Variants in TSPAN9 observed in about 807,000 individuals in gnomAD.
TSPAN9 encodes tetraspanin-9.
In TSPAN9, 16 loss-of-function variants were observed where a neutral mutation model predicts 31.0. That is an observed-to-expected ratio of 0.52 (90% CI 0.35 to 0.78). The LOEUF (loss-of-function observed/expected upper bound fraction) is 0.78. Among genes scored for constraint, TSPAN9 ranks in the 30% least tolerant of loss-of-function variants. TSPAN9 has a pLI of 0.01. For synonymous variants in TSPAN9, 145 were observed against 121.6 expected, an observed-to-expected ratio of 1.19 and a Z score of -1.27; for missense variants, 272 against 312.5, an observed-to-expected ratio of 0.87 and a Z score of 0.98.
At chr12:3,183,265 T>C (rs1422707638) in intron 2 of TSPAN9, among the ~76,000 whole-genome samples, 20 of 152,188 alleles carry the variant, frequency 1.3e-4, no homozygotes, top group Admixed American at 1.3e-3. Flanking sequence ...GGGCTTGGGC[T>C]GAACAGAGGG....
chr12:3,230,985 C>T (rs960788766), intron 3 of TSPAN9, among the ~76,000 whole-genome samples: 1 of 152,048 alleles, frequency 6.6e-6, no homozygotes, highest in Non-Finnish European at 1.5e-5. Flanking sequence ...GGGGTGTATG[C>T]TATAAAGGGC....
intron 2 of TSPAN9, among the ~76,000 whole-genome samples, chr12:3,132,739 C>G (rs2098330339): frequency 6.6e-6 from 1 of 152,188 alleles, no homozygotes. Context: ...TTTTCCTATT[C>G]AGTCTCCTCT....
rs550384578 is a variant in TSPAN9, at chr12:3,160,918, A to G, written c.-17-40259A>G. Among the ~76,000 whole-genome samples the G allele has an allele frequency of 3.8e-4, 58 of 152,340 alleles. 1 individual carries two copies. Among genetic ancestry groups the G allele is most frequent in the Middle Eastern group, 6.8e-3 (2 of 294 alleles). Reference sequence around the variant, plus strand: ...TTTTTTTGATGGTGTTATTTGCAACATAAGAGTTTTTAATTTTGTGGCTGG... The same window carrying G: ...TTTTTTTGATGGTGTTATTTGCAACGTAAGAGTTTTTAATTTTGTGGCTGG... On this transcript the variant is annotated intron_variant, in intron 2 of 8. Coordinates refer to ENST00000011898, the MANE Select transcript of TSPAN9 (RefSeq NM_006675.5).
intron 3 of TSPAN9, among the ~76,000 whole-genome samples, chr12:3,207,695 G>A (rs1309276955): frequency 6.6e-6 from 1 of 152,186 alleles, no homozygotes; most frequent in Non-Finnish European, 1.5e-5. Flanking sequence ...TTGGGCAGGG[G>A]AGGCTGCAGG....
intron 3 of TSPAN9, among the ~76,000 whole-genome samples, chr12:3,219,047 A>T (rs1281260174): frequency 1.3e-5 from 2 of 152,200 alleles, no homozygotes; most frequent in East Asian, 3.9e-4. Flanking sequence ...TGAAGGCCCC[A>T]AATACAGAGC....
chr12:3,197,476 GGTT>G (rs2060518437), intron 2 of TSPAN9, among the ~76,000 whole-genome samples: 1 of 152,174 alleles, frequency 6.6e-6, no homozygotes, highest in Non-Finnish European at 1.5e-5. Context: ...ATACACACTA[GGTT>G]TTATTCTTGG....
chr12:3,170,458 T>G lies in TSPAN9; in HGVS notation c.-17-30719T>G, dbSNP rs2098351139. Among the ~76,000 whole-genome samples, 1 of 152,150 alleles carries G rather than the reference T, an allele frequency of 6.6e-6. No homozygotes were observed. On this transcript the variant is annotated intron_variant, in intron 2 of 8. Transcript: ENST00000011898. This position sits in a 1 kb window ranked among gnomAD's most constrained non-coding sequence, Gnocchi z 4.4. ...AAACTCAGACTCCAAAGGCAAACCT[T>G]ATAATTAAAAGACTTTTAGAAGCAG...
chr12:3,281,763 C>T lies in TSPAN9; in HGVS notation c.594C>T (p.Phe198=), dbSNP rs201166747. The change falls in exon 8 of 9, where the codon TTC becomes TTT. Residue 198 remains phenylalanine (F), a synonymous_variant. Transcript: ENST00000011898. ...GCTATGAAAAGGTGAAGATGTGGTT[C>T]GATGACAATAAGCACGTGCTGGGCA... is the stretch of plus-strand genomic sequence containing the variant. ...TGCYEKVKMW[F]DDNKHVLGTV... is the part of the protein sequence containing the mutation. The T allele has an allele frequency of 1.2e-4, 188 of 1,613,982 alleles. No individual in the cohort carries two copies. Among genetic ancestry groups the T allele is most frequent in the Middle Eastern group, 5.0e-4 (3 of 6,060 alleles).
chr12:3,253,851 C>T (rs1565633258), intron 3 of TSPAN9, among the ~76,000 whole-genome samples: 3 of 152,208 alleles, frequency 2.0e-5, no homozygotes, highest in Non-Finnish European at 4.4e-5. Flanking sequence ...CCTGGCCAGG[C>T]ATCAGCAGCA....
At chr12:3,171,641 G>C (rs1291861649) in intron 2 of TSPAN9, 1 of 152,152 alleles carries the variant, frequency 6.6e-6, no homozygotes, top group Non-Finnish European at 1.5e-5. Flanking sequence ...AATAGAAAAT[G>C]CCCAGTAAAT....
chr12:3,154,538 C>G (rs532438546), intron 2 of TSPAN9, among the ~76,000 whole-genome samples: 3 of 152,178 alleles, frequency 2.0e-5, no homozygotes, highest in African/African-American at 7.2e-5. Flanking sequence ...CTCAGATGAG[C>G]GATAACAGCC....
At chr12:3,103,489 C>T (rs181381749) in intron 2 of TSPAN9, among the ~76,000 whole-genome samples, 35 of 141,420 alleles carry the variant, frequency 2.5e-4, no homozygotes, top group Admixed American at 7.5e-4. Flanking sequence ...TCGGACTGGA[C>T]GTGCCCACCT....
At chr12:3,176,640 ACTTC>A (rs778509082) in intron 2 of TSPAN9, among the ~76,000 whole-genome samples, 1 of 152,200 alleles carries the variant, frequency 6.6e-6, no homozygotes, top group Non-Finnish European at 1.5e-5. Context: ...TGCTGCTGAG[ACTTC>A]CTTCCTTTTC....
intron 2 of TSPAN9, among the ~76,000 whole-genome samples, chr12:3,189,542 G>A (rs2098363207): frequency 6.6e-6 from 1 of 152,116 alleles, no homozygotes; most frequent in Non-Finnish European, 1.5e-5. Flanking sequence ...ACGTGTGACT[G>A]GGTTACAACA....
intron 2 of TSPAN9, among the ~76,000 whole-genome samples, chr12:3,156,498 TTTTTTG>T (rs1187232075): frequency 6.7e-6 from 1 of 150,048 alleles, no homozygotes; most frequent in African/African-American, 2.4e-5. Flanking sequence ...TTAGAGTTGT[TTTTTTG>T]TTTTTGTTTT....
At chr12:3,134,349 T>C (rs938856577) in intron 2 of TSPAN9, among the ~76,000 whole-genome samples, 1 of 152,208 alleles carries the variant, frequency 6.6e-6, no homozygotes, top group African/African-American at 2.4e-5. Flanking sequence ...CAGGAATTAG[T>C]GTCATAGAGA....
intron 2 of TSPAN9, among the ~76,000 whole-genome samples, chr12:3,176,940 G>A (rs1041108530): frequency 4.6e-5 from 7 of 152,314 alleles, no homozygotes; most frequent in South Asian, 2.1e-4. Flanking sequence ...AAGGTGCCCC[G>A]CATTAGCGGG....
At chr12:3,131,169 G>A (rs1229439525) in intron 2 of TSPAN9, among the ~76,000 whole-genome samples, 2 of 149,562 alleles carry the variant, frequency 1.3e-5, no homozygotes, top group African/African-American at 2.5e-5. Context: ...AGCCCTTTAC[G>A]TGCCAGGAGC....
At chr12:3,159,831 T>C (rs2098344098) in intron 2 of TSPAN9, among the ~76,000 whole-genome samples, 1 of 152,146 alleles carries the variant, frequency 6.6e-6, no homozygotes, top group African/African-American at 2.4e-5. Context: ...AAGAAACCAA[T>C]CCAGCTGACA....
Sources: allele counts gnomAD v4.1 joint callset (sites outside exome capture counted in the v4.1 genomes callset), GRCh38; gene constraint gnomAD v4.1.1; non-coding constraint Gnocchi (gnomAD v3.1); transcripts MANE v1.5; gene names NCBI Gene and HGNC (gene_info 2026-07-23, HGNC 2026-07-21).